Variants in POLE2 observed in about 807,000 individuals in gnomAD.
The protein encoded by POLE2 is DNA polymerase epsilon subunit 2.
A neutral mutation model predicts 79.4 loss-of-function variants in POLE2; 56 were observed. The observed-to-expected ratio is 0.71, with a 90% confidence interval of 0.57 to 0.88. The LOEUF (loss-of-function observed/expected upper bound fraction) is 0.88, where lower values mean the gene tolerates loss of function less well. POLE2 is among the 40% of genes least tolerant of loss of function. The pLI, the probability that POLE2 is intolerant of heterozygous loss-of-function variation, is 0.00. For synonymous variants in POLE2, 212 were observed against 214.0 expected, an observed-to-expected ratio of 0.99 and a Z score of 0.08; for missense variants, 598 against 638.9, an observed-to-expected ratio of 0.94 and a Z score of 0.69.
intron 5 of POLE2, among the ~76,000 whole-genome samples, chr14:49,671,357 G>A (rs1207397434): frequency 3.9e-5 from 6 of 152,136 alleles, no homozygotes; most frequent in African/African-American, 1.4e-4. Context: ...AGTGGCTCAC[G>A]CTTGTGATCC....
chr14:49,649,239 C>T lies in POLE2; in HGVS notation c.1497+1026G>A, dbSNP rs867656898. ...TTGGCTCACTACAAGCTCTGTCTCC[C>T]GGGTTCACGCCATTCTCCTACCTCA... On this transcript the variant is annotated intron_variant, in intron 17 of 18. Transcript: ENST00000216367. Among the ~76,000 whole-genome samples, 91 of 146,990 alleles carry T rather than the reference C, an allele frequency of 6.2e-4. 2 individuals are homozygous for T. In the Middle Eastern group the frequency reaches 0.011, roughly 17 times the overall value.
chr14:49,674,512 T>C (rs1404448620), intron 3 of POLE2, 85 bp from the exon 4 acceptor site: 12 of 790,140 alleles, frequency 1.5e-5, no homozygotes, highest in Admixed American at 6.8e-5. Context: ...TTATAAGTAT[T>C]TGTAATAACA....
At chr14:49,670,317 CA>C (rs61383006) in intron 5 of POLE2, among the ~76,000 whole-genome samples, 1,638 of 58,970 alleles carry the variant, frequency 0.028, 5 homozygotes, top group Non-Finnish European at 0.037. Flanking sequence ...ACTGTGTCTC[CA>C]AAAAAAAAAA....
At chr14:49,677,575 G>A (rs1886374942) in intron 3 of POLE2, 1 of 491,500 alleles carries the variant, frequency 2.0e-6, no homozygotes, top group Non-Finnish European at 3.6e-6. Context: ...CTCCTACTGA[G>A]CCCTAGAGCT....
chr14:49,655,903 G>T lies in POLE2; in HGVS notation c.756-60C>A, dbSNP rs2139626357. Reference sequence around the variant, plus strand: ...CACTAGAGATATTTTTCTAATAGTTGTATACATTTAGCTTCTTTGTATCTA... The same window carrying T: ...CACTAGAGATATTTTTCTAATAGTTTTATACATTTAGCTTCTTTGTATCTA... On this transcript the variant is annotated intron_variant, in intron 10 of 18. Transcript: ENST00000216367. 5.7e-6 allele frequency: 5 copies of T among 874,104 alleles called. No individual in the cohort carries two copies. In the East Asian group the frequency reaches 1.0e-4, roughly 18 times the overall value. 54.1% of individuals were successfully genotyped at this position (874,104 alleles called of 1,614,324 possible). A position where few individuals can be genotyped will look rare whatever the true frequency, so the allele number is the denominator to read the frequency against.
intron 3 of POLE2, chr14:49,677,371 G>C (rs1886356823): frequency 6.0e-6 from 3 of 502,252 alleles, no homozygotes; most frequent in Non-Finnish European, 7.3e-6. Context: ...CTCCTGCTGG[G>C]TATCTACAGC....
At position 49,646,302 on chromosome 14, in the gene POLE2, G is replaced by GTTTTTTTTT. The variant is rs1162033821; in HGVS notation, c.1565+982_1565+990dup. Among the ~76,000 whole-genome samples the GTTTTTTTTT allele has an allele frequency of 8.4e-4, 71 of 84,546 alleles. 4 individuals carry two copies. Among genetic ancestry groups the GTTTTTTTTT allele is most frequent in the East Asian group, 3.7e-3 (6 of 1,632 alleles). The allele number at this position is 84,546 out of a possible 152,430, so 55.5% of individuals were successfully genotyped here. On this transcript the variant is annotated intron_variant, in intron 18 of 18. Coordinates refer to ENST00000216367, the MANE Select transcript of POLE2 (RefSeq NM_002692.4). ...GATTTGGTCAGTTGTTTTTTTGTTG[G>GTTTTTTTTT]TTTTTTTTTTTTTTTTTTTTTTTTT... is the stretch of plus-strand genomic sequence containing the variant.
intron 10 of POLE2, among the ~76,000 whole-genome samples, chr14:49,657,748 C>A (rs1172147102): frequency 6.6e-6 from 1 of 151,868 alleles, no homozygotes; most frequent in Non-Finnish European, 1.5e-5. Flanking sequence ...CCAGTTGATT[C>A]TTGTTATTAG....
At chr14:49,660,944 TA>T (rs1594579943) in intron 10 of POLE2, among the ~76,000 whole-genome samples, 1 of 151,992 alleles carries the variant, frequency 6.6e-6, no homozygotes, top group East Asian at 1.9e-4. Context: ...TTTTGGGGGG[TA>T]GGGGGACAAA....
intron 18 of POLE2, 45 bp downstream of exon 18, chr14:49,647,248 C>A: frequency 1.0e-6 from 1 of 997,378 alleles, no homozygotes; most frequent in Non-Finnish European, 1.5e-6. Context: ...AGTAATTTAA[C>A]ACCTAGAGAA....
At chr14:49,656,445 A>G (rs990580687) in intron 10 of POLE2, among the ~76,000 whole-genome samples, 3 of 152,216 alleles carry the variant, frequency 2.0e-5, no homozygotes, top group African/African-American at 7.2e-5. Context: ...CACCATTTGA[A>G]CAATATCTCA....
In POLE2 at chr14:49,657,048, G is replaced by C. The variant is rs141413926; in HGVS notation, c.756-1205C>G. Reference sequence around the variant, plus strand: ...GAATCGCTTGAACCTAGGAGATGGAGGTTGTAGTAAGCCGAGATCATGCCA... The same window carrying C: ...GAATCGCTTGAACCTAGGAGATGGACGTTGTAGTAAGCCGAGATCATGCCA... On this transcript the variant is annotated intron_variant, in intron 10 of 18. Transcript: ENST00000216367. Among the ~76,000 whole-genome samples the C allele has an allele frequency of 1.7e-3, 260 of 151,256 alleles. 1 individual carries two copies. The highest frequency in any genetic ancestry group is 5.8e-3 in the African/African-American group (240 of 41,174).
At chr14:49,667,790 T>C (rs1885592394) in intron 6 of POLE2, among the ~76,000 whole-genome samples, 1 of 152,208 alleles carries the variant, frequency 6.6e-6, no homozygotes, top group African/African-American at 2.4e-5. Flanking sequence ...GTTTTCATAT[T>C]TATAGAAATT....
chr14:49,659,725 T>G (rs1334146997), intron 10 of POLE2, among the ~76,000 whole-genome samples: 1 of 152,060 alleles, frequency 6.6e-6, no homozygotes, highest in Non-Finnish European at 1.5e-5. Flanking sequence ...GGACTACAGG[T>G]ACACACTGCC....
intron 17 of POLE2, 22 bp downstream of exon 17, chr14:49,650,243 A>AT (rs1884113070): frequency 7.4e-7 from 1 of 1,349,142 alleles, no homozygotes; most frequent in African/African-American, 1.5e-5. Flanking sequence ...TAATGACTAT[A>AT]TAAGATTAAC....
At chr14:49,662,824 T>C (rs1885185335) in intron 10 of POLE2, among the ~76,000 whole-genome samples, 1 of 152,254 alleles carries the variant, frequency 6.6e-6, no homozygotes, top group Admixed American at 6.5e-5. Context: ...TATACTATCA[T>C]TCAGGTTCTG....
rs1351172316 is a variant in POLE2 at position 49,685,949 on chromosome 14, C to T, written c.68+2187G>A. On this transcript the variant is annotated intron_variant, in intron 1 of 18. Transcript: ENST00000216367. ...GCCAAGTCCTGCTCATTCTTTAAGT[C>T]AGCCCAAACCACTTCTGCAGTGAAG... Among the ~76,000 whole-genome samples the T allele has an allele frequency of 2.0e-5, 3 of 152,092 alleles. No homozygotes were observed. In the East Asian group the frequency reaches 5.8e-4, roughly 29 times the overall value.
At chr14:49,677,231 G>C (rs1184485014) in intron 3 of POLE2, 1 of 762,428 alleles carries the variant, frequency 1.3e-6, no homozygotes, top group Non-Finnish European at 2.3e-6. Context: ...ACGGCTTACT[G>C]TCTGAGGGAG....
rs765081160 is a variant in POLE2, at chr14:49,647,368, G to A, written c.1498-8C>T. Reference sequence around the variant, plus strand: ...ACTTCTTGGAAAAGAGCCCTTTGGGGGAGAAAAATGCCTGTAAGTGAATGC... The same window carrying A: ...ACTTCTTGGAAAAGAGCCCTTTGGGAGAGAAAAATGCCTGTAAGTGAATGC... On this transcript the variant is annotated splice_polypyrimidine_tract_variant and splice_region_variant and intron_variant, in intron 17 of 18. Transcript: ENST00000216367. 8 of 1,491,340 alleles carry A rather than the reference G, an allele frequency of 5.4e-6. No individual in the cohort carries two copies. In the South Asian group the frequency reaches 1.0e-4, roughly 20 times the overall value. The allele number at this position is 1,491,340 out of a possible 1,614,324, so 92.4% of individuals were successfully genotyped here. A position where few individuals can be genotyped will look rare whatever the true frequency, so the allele number is the denominator to read the frequency against.
Sources: gnomAD v4.1 joint callset for allele counts (sites outside exome capture counted in the v4.1 genomes callset) on GRCh38, gnomAD v4.1.1 for gene constraint, MANE v1.5 for transcripts, NCBI Gene and HGNC (gene_info 2026-07-23, HGNC 2026-07-21) for gene names.